Variants in NTN1 observed in about 807,000 individuals in gnomAD.
NTN1 encodes the protein netrin 1, also known as netrin-1.
In NTN1, 11 loss-of-function variants were observed where a neutral mutation model predicts 54.2. The ratio of observed to expected loss-of-function variants is 0.20; its 90% confidence interval spans 0.13 to 0.34. The LOEUF (loss-of-function observed/expected upper bound fraction) is 0.34, where lower values mean the gene tolerates loss of function less well. Ranked by LOEUF, NTN1 falls within the 10% of genes least tolerant of loss-of-function variation. NTN1 has a pLI of 1.00. For missense variants in NTN1, 740 were observed against 893.1 expected (o/e 0.83, Z 2.18); for synonymous variants, 371 against 382.0 (o/e 0.97, Z 0.33).
chr17:9,111,954 A>T (rs912827590), intron 2 of NTN1, among the ~76,000 whole-genome samples: 1 of 152,210 alleles, frequency 6.6e-6, no homozygotes. Context: ...TCAATGGTTA[A>T]CTGAACATTT....
chr17:9,125,750 C>T (rs781174204), intron 2 of NTN1, among the ~76,000 whole-genome samples: 2 of 151,656 alleles, frequency 1.3e-5, no homozygotes, highest in Non-Finnish European at 2.9e-5. Context: ...AGATTACAGG[C>T]GTGAGCCACC....
intron 2 of NTN1, among the ~76,000 whole-genome samples, chr17:9,129,664 G>A (rs961222712): frequency 1.3e-5 from 2 of 152,158 alleles, no homozygotes; most frequent in Non-Finnish European, 2.9e-5. Flanking sequence ...TAAGGATGCC[G>A]TGTTTTCCAT....
At chr17:9,182,576 G>A (rs2092421542) in intron 4 of NTN1, among the ~76,000 whole-genome samples, 1 of 152,224 alleles carries the variant, frequency 6.6e-6, no homozygotes, top group African/African-American at 2.4e-5. Flanking sequence ...TGAGCAGAGT[G>A]GCCTGGGGAA....
intron 5 of NTN1, among the ~76,000 whole-genome samples, chr17:9,210,814 G>A (rs1054530953): frequency 2.0e-5 from 3 of 150,416 alleles, no homozygotes; most frequent in Non-Finnish European, 4.4e-5. Context: ...GTTGAGGCGG[G>A]AGAATCGCTT....
chr17:9,145,179 G>A (rs1373814202), intron 2 of NTN1, among the ~76,000 whole-genome samples: 1 of 152,222 alleles, frequency 6.6e-6, no homozygotes, highest in Non-Finnish European at 1.5e-5. Context: ...AATTACAGAG[G>A]ACTCCTGGGG....
chr17:9,138,942 C>G (rs1410941694), intron 2 of NTN1, among the ~76,000 whole-genome samples: 1 of 152,148 alleles, frequency 6.6e-6, no homozygotes, highest in Non-Finnish European at 1.5e-5. Context: ...GGCTCAAGTC[C>G]CCTCCGATAT....
At chr17:9,037,204 T>C (rs2091906178) in intron 2 of NTN1, among the ~76,000 whole-genome samples, 1 of 152,244 alleles carries the variant, frequency 6.6e-6, no homozygotes, top group Non-Finnish European at 1.5e-5. Flanking sequence ...GTAATTGAAA[T>C]CATACTGTAT....
chr17:9,127,324 G>A (rs552374262), intron 2 of NTN1, among the ~76,000 whole-genome samples: 1 of 152,266 alleles, frequency 6.6e-6, no homozygotes, highest in African/African-American at 2.4e-5. Context: ...CGTGTGGAAG[G>A]CAGTGTCACC....
At chr17:9,065,100 C>A (rs2092010891) in intron 2 of NTN1, among the ~76,000 whole-genome samples, 1 of 152,108 alleles carries the variant, frequency 6.6e-6, no homozygotes, top group African/African-American at 2.4e-5. Flanking sequence ...CCACAACCGG[C>A]TAATTTTTGT....
At chr17:9,036,934 C>T (rs968049349) in intron 2 of NTN1, among the ~76,000 whole-genome samples, 4 of 152,206 alleles carry the variant, frequency 2.6e-5, no homozygotes, top group African/African-American at 9.7e-5. Flanking sequence ...CCCCACCTCC[C>T]ACTCTCCAGC....
chr17:9,184,236 G>A (rs890342538), intron 5 of NTN1, among the ~76,000 whole-genome samples: 1 of 152,206 alleles, frequency 6.6e-6, no homozygotes, highest in African/African-American at 2.4e-5. Flanking sequence ...GCCAGAGGCA[G>A]CTCTGGGAAA....
intron 2 of NTN1, among the ~76,000 whole-genome samples, chr17:9,071,686 G>T (rs549250646): frequency 6.6e-6 from 1 of 152,226 alleles, no homozygotes; most frequent in Non-Finnish European, 1.5e-5. Flanking sequence ...ATGCCCTTTC[G>T]CCAGCAGCAT....
At position 9,022,558 on chromosome 17, in the gene NTN1, A is replaced by T; in HGVS notation, c.185A>T (p.Lys62Met). ...IPDFVNAAFG[K>M]DVRVSSTCGR... ...GACTTTGTCAATGCGGCCTTCGGCA[A>T]GGACGTGCGCGTGTCCAGCACCTGC... Residue 62 changes from lysine to methionine, a missense_variant, in exon 2 of 7, where the codon AAG becomes ATG. Transcript: ENST00000173229. 6.5e-7 allele frequency: 1 copy of T among 1,548,982 alleles called. No homozygotes were observed. The highest frequency in any genetic ancestry group is 8.7e-7 in the Non-Finnish European group (1 of 1,148,822).
the NTN1 span, among the ~76,000 whole-genome samples, chr17:9,010,409 C>T: frequency 6.6e-5 from 10 of 152,192 alleles, no homozygotes; most frequent in Non-Finnish European, 1.3e-4. Context: ...TGGCAAGCTT[C>T]TGTTGACTGC....
intron 3 of NTN1, among the ~76,000 whole-genome samples, chr17:9,168,078 A>G (rs2092377789): frequency 6.6e-6 from 1 of 152,162 alleles, no homozygotes; most frequent in South Asian, 2.1e-4. Context: ...ATAAGAAATG[A>G]GGATGGTGAG....
chr17:9,022,592 C>G lies in NTN1; in HGVS notation c.219C>G (p.Pro73=), dbSNP rs369647326. 1.9e-6 allele frequency: 3 copies of G among 1,546,100 alleles called. No individual in the cohort carries two copies. The highest frequency in any genetic ancestry group is 2.4e-5 in the South Asian group (2 of 84,180). ...DVRVSSTCGR[P]PARYCVVSER... is the part of the protein sequence containing the mutation. ...GCGTGTCCAGCACCTGCGGCCGGCC[C>G]CCGGCGCGCTACTGCGTGGTGAGCG... is the stretch of plus-strand genomic sequence containing the variant. The change falls in exon 2 of 7, where the codon CCC becomes CCG. Residue 73 remains proline (P), a synonymous_variant. Transcript: ENST00000173229.
chr17:9,126,584 T>A (rs2092248264), intron 2 of NTN1, among the ~76,000 whole-genome samples: 1 of 152,202 alleles, frequency 6.6e-6, no homozygotes, highest in Non-Finnish European at 1.5e-5. Flanking sequence ...GTTTGAATGC[T>A]GCATTTGGTC....
In NTN1 at chr17:9,239,671, G is replaced by A. The variant is rs1392093938; in HGVS notation, c.1518G>A (p.Lys506=). 1.2e-6 allele frequency: 2 copies of A among 1,612,650 alleles called. No individual in the cohort carries two copies. Among genetic ancestry groups the A allele is most frequent in the Admixed American group, 3.3e-5 (2 of 60,002 alleles). Residue 506 remains lysine (K), a synonymous_variant, in exon 7 of 7, where the codon AAG becomes AAA. Transcript: ENST00000173229. The surrounding 1 kb of genome is among the most constrained non-coding windows in gnomAD (Gnocchi z 5.2). The part of the protein sequence containing the change: ...AVQIHILKAD[K]AGDWWKFTVN... ...AGATCCACATCCTGAAGGCGGACAAGGCGGGGGACTGGTGGAAGTTCACGG... is the reference window on the plus strand; with the variant it reads ...AGATCCACATCCTGAAGGCGGACAAAGCGGGGGACTGGTGGAAGTTCACGG...
chr17:9,063,235 T>A, intron 2 of NTN1, among the ~76,000 whole-genome samples: 1 of 151,998 alleles, frequency 6.6e-6, no homozygotes, highest in East Asian at 1.9e-4. Context: ...TAGCTGGGAT[T>A]ACAGGTACTG....
Sources: gnomAD v4.1 joint callset for allele counts (sites outside exome capture counted in the v4.1 genomes callset) on GRCh38, gnomAD v4.1.1 for gene constraint, Gnocchi (gnomAD v3.1) non-coding constraint, MANE v1.5 for transcripts, NCBI Gene and HGNC (gene_info 2026-07-23, HGNC 2026-07-21) for gene names.